CADM2: variants seen among roughly 807,000 people sequenced by gnomAD.
CADM2 encodes cell adhesion molecule 2.
Under a neutral mutation model 49.8 loss-of-function variants are expected in CADM2, and 12 were observed. That is an observed-to-expected ratio of 0.24 (90% CI 0.15 to 0.39). CADM2 has a LOEUF of 0.39. CADM2 is among the 10% of genes least tolerant of loss of function. The pLI, the probability that CADM2 is intolerant of heterozygous loss-of-function variation, is 1.00. For synonymous variants in CADM2, 214 were observed against 175.4 expected (o/e 1.22, Z -1.74); for missense variants, 378 against 492.3 (o/e 0.77, Z 2.20).
intron 2 of CADM2, among the ~76,000 whole-genome samples, chr3:85,744,364 A>T (rs750273974): frequency 1.3e-5 from 2 of 152,170 alleles, no homozygotes; most frequent in Non-Finnish European, 2.9e-5. Context: ...TCAAGAGTAT[A>T]CTTGGATTCT....
intron 1 of CADM2, among the ~76,000 whole-genome samples, chr3:85,007,893 C>T (rs1025019299): frequency 2.0e-5 from 3 of 152,084 alleles, no homozygotes; most frequent in South Asian, 2.1e-4. Flanking sequence ...AACTGGAAAA[C>T]GAAAGTCTTG....
At chr3:85,522,693 G>T (rs1576712663) in intron 1 of CADM2, among the ~76,000 whole-genome samples, 1 of 152,052 alleles carries the variant, frequency 6.6e-6, no homozygotes, top group East Asian at 1.9e-4. Flanking sequence ...TTGTGAATTT[G>T]CTGCCTGTTG....
At chr3:85,054,057 A>C (rs2035982760) in intron 1 of CADM2, among the ~76,000 whole-genome samples, 1 of 151,982 alleles carries the variant, frequency 6.6e-6, no homozygotes, top group African/African-American at 2.4e-5. Flanking sequence ...GTATCCTTAA[A>C]ATTTGTTGTC....
At chr3:85,011,309 T>C (rs542198882) in intron 1 of CADM2, among the ~76,000 whole-genome samples, 23 of 152,234 alleles carry the variant, frequency 1.5e-4, no homozygotes, top group African/African-American at 5.5e-4. Flanking sequence ...TTTAGCAGAG[T>C]GTGTTATTCA....
intron 1 of CADM2, among the ~76,000 whole-genome samples, chr3:85,477,441 T>C (rs962569507): frequency 6.6e-6 from 1 of 151,938 alleles, no homozygotes; most frequent in Admixed American, 6.6e-5. Context: ...GTGAGAATTG[T>C]AACCAAAGGT....
At chr3:85,715,080 T>C (rs1047683969) in intron 1 of CADM2, among the ~76,000 whole-genome samples, 1 of 152,216 alleles carries the variant, frequency 6.6e-6, no homozygotes, top group Non-Finnish European at 1.5e-5. Flanking sequence ...TACACATTTA[T>C]GTGATTCTAC....
chr3:85,421,977 G>T (rs889816336), intron 1 of CADM2, among the ~76,000 whole-genome samples: 1 of 152,188 alleles, frequency 6.6e-6, no homozygotes, highest in Non-Finnish European at 1.5e-5. Context: ...ACTTGTCACT[G>T]ATAACTTCAA....
intron 1 of CADM2, among the ~76,000 whole-genome samples, chr3:85,331,821 G>A (rs1411154553): frequency 6.6e-6 from 1 of 152,004 alleles, no homozygotes; most frequent in Non-Finnish European, 1.5e-5. Context: ...ATTTTAACTG[G>A]AGTGAGTGAT....
intron 1 of CADM2, among the ~76,000 whole-genome samples, chr3:85,549,345 A>G (rs977749365): frequency 6.6e-6 from 1 of 152,206 alleles, no homozygotes; most frequent in African/African-American, 2.4e-5. Flanking sequence ...GTCTGGAAAA[A>G]AACAAATTGA....
chr3:85,801,871 C>A (rs994847104), intron 2 of CADM2, among the ~76,000 whole-genome samples, 176 bp from the exon 3 acceptor site: 2 of 152,108 alleles, frequency 1.3e-5, no homozygotes, highest in Non-Finnish European at 2.9e-5. Flanking sequence ...TATGTCAATG[C>A]TGTTGTTCTC....
chr3:85,922,789 A>C (rs1236097692), intron 6 of CADM2, among the ~76,000 whole-genome samples: 2 of 151,982 alleles, frequency 1.3e-5, no homozygotes, highest in African/African-American at 4.8e-5. Flanking sequence ...AGATTTATAA[A>C]GAGCAATTAA....
chr3:85,536,234 G>A (rs145656317), intron 1 of CADM2, among the ~76,000 whole-genome samples: 248 of 152,080 alleles, frequency 1.6e-3, no homozygotes, highest in Non-Finnish European at 2.8e-3. Context: ...GATATTCAAA[G>A]CTAGAATCTC....
intron 1 of CADM2, among the ~76,000 whole-genome samples, chr3:85,531,036 G>T (rs1020782576): frequency 4.6e-5 from 7 of 152,036 alleles, no homozygotes; most frequent in Non-Finnish European, 8.8e-5. Context: ...GTGTATGAAA[G>T]CTTCTACTCA....
At chr3:85,244,946 C>G (rs1201790796) in intron 1 of CADM2, among the ~76,000 whole-genome samples, 1 of 152,072 alleles carries the variant, frequency 6.6e-6, no homozygotes, top group Non-Finnish European at 1.5e-5. Flanking sequence ...GGCTATTTCC[C>G]TATTATTTTA....
At chr3:84,988,660 C>T (rs893568227) in intron 1 of CADM2, among the ~76,000 whole-genome samples, 2 of 151,998 alleles carry the variant, frequency 1.3e-5, no homozygotes, top group African/African-American at 4.8e-5. Flanking sequence ...TATTTATTGA[C>T]TCATTGTTTT....
chr3:85,439,412 CAA>C (rs2037089199), intron 1 of CADM2, among the ~76,000 whole-genome samples: 1 of 152,004 alleles, frequency 6.6e-6, no homozygotes, highest in South Asian at 2.1e-4. Flanking sequence ...CTCGGCCTAT[CAA>C]AGTGCTGGGA....
At chr3:85,625,750 G>C (rs960045286) in intron 1 of CADM2, among the ~76,000 whole-genome samples, 4 of 151,904 alleles carry the variant, frequency 2.6e-5, no homozygotes, top group Non-Finnish European at 1.5e-5. Context: ...AGGGTATAGA[G>C]GCTGTATATA....
chr3:85,782,459 G>A (rs528362775), intron 2 of CADM2, among the ~76,000 whole-genome samples: 4 of 151,806 alleles, frequency 2.6e-5, no homozygotes, highest in African/African-American at 7.2e-5. Context: ...GGCGGATCAC[G>A]AGGTCAGGAG....
intron 1 of CADM2, among the ~76,000 whole-genome samples, chr3:85,094,060 G>A (rs1452207952): frequency 1.3e-5 from 2 of 151,810 alleles, no homozygotes; most frequent in Admixed American, 6.6e-5. Flanking sequence ...ATATAATGAG[G>A]CAAATTTGAG....
Sources: allele counts gnomAD v4.1 joint callset (sites outside exome capture counted in the v4.1 genomes callset), GRCh38; gene constraint gnomAD v4.1.1; transcripts MANE v1.5; gene names NCBI Gene and HGNC (gene_info 2026-07-23, HGNC 2026-07-21).